The following CSMD1 variants were observed in gnomAD, a reference collection of about 807,000 sequenced individuals.
CSMD1 encodes CUB and sushi domain-containing protein 1.
In CSMD1, 213 loss-of-function variants were observed where a neutral mutation model predicts 417.5. That is an observed-to-expected ratio of 0.51 (90% confidence interval 0.46 to 0.57). The LOEUF (loss-of-function observed/expected upper bound fraction) is 0.57, where lower values mean the gene tolerates loss of function less well. Ranked by LOEUF, CSMD1 falls within the 20% of genes least tolerant of loss-of-function variation. CSMD1 has a pLI of 0.00. For synonymous variants in CSMD1, 2,862 were observed against 1,736.8 expected (o/e 1.65, Z -16.11); for missense variants, 6,923 against 4,529.7 (o/e 1.53, Z -15.17).
At chr8:3,897,204 T>C (rs575075026) in intron 5 of CSMD1, among the ~76,000 whole-genome samples, 3 of 152,278 alleles carry the variant, frequency 2.0e-5, no homozygotes, top group Admixed American at 6.5e-5. Flanking sequence ...CAAGAAGTTA[T>C]CAAAACAAAG....
At chr8:3,717,690 G>A (rs568477424) in intron 6 of CSMD1, among the ~76,000 whole-genome samples, 1 of 152,238 alleles carries the variant, frequency 6.6e-6, no homozygotes, top group East Asian at 1.9e-4. Flanking sequence ...GTTGATAGGT[G>A]AAGACACTTA....
intron 1 of CSMD1, among the ~76,000 whole-genome samples, chr8:4,925,696 G>T (rs375720413): frequency 2.0e-5 from 3 of 151,902 alleles, no homozygotes; most frequent in African/African-American, 7.3e-5. Context: ...ACAGGCGCCC[G>T]CCACCACGCA....
intron 5 of CSMD1, among the ~76,000 whole-genome samples, chr8:3,782,223 CTA>C (rs926855711): frequency 1.3e-5 from 2 of 152,124 alleles, no homozygotes; most frequent in African/African-American, 4.8e-5. Context: ...AGGACAGAAT[CTA>C]TGTCAGTCAC....
rs1283213695 is a variant in CSMD1, at chr8:3,323,177, A to C, written c.3632-14674T>G. 4.6e-5 allele frequency among the ~76,000 whole-genome samples: 7 copies of C among 152,282 alleles called. 1 individual carries two copies. The South Asian group carries it at 8.3e-4, about 18-fold the overall frequency. On this transcript the variant is annotated intron_variant, in intron 23 of 69. Coordinates refer to ENST00000635120, the MANE Select transcript of CSMD1 (RefSeq NM_033225.6). The stretch of plus-strand genomic sequence containing the variant: ...TATGATGTCCAATGGGCAACTTCTA[A>C]CTTCGTGGGCATCTATAATCTATGG...
At chr8:4,241,546 T>A (rs561375030) in intron 3 of CSMD1, among the ~76,000 whole-genome samples, 1 of 152,284 alleles carries the variant, frequency 6.6e-6, no homozygotes, top group South Asian at 2.1e-4. Context: ...CCACTCTATG[T>A]CCATGCTTAG....
At chr8:3,898,533 G>T (rs1407915085) in intron 5 of CSMD1, among the ~76,000 whole-genome samples, 1 of 152,152 alleles carries the variant, frequency 6.6e-6, no homozygotes, top group Non-Finnish European at 1.5e-5. Context: ...CATATCTTTG[G>T]GTTGTCACAA....
intron 5 of CSMD1, among the ~76,000 whole-genome samples, chr8:3,926,108 C>CCATACAT (rs11373813): frequency 1.3e-5 from 1 of 79,180 alleles, no homozygotes; most frequent in African/African-American, 6.2e-5. Flanking sequence ...CACACACACA[C>CCATACAT]ACACACACAC....
At chr8:3,735,163 T>C (rs11136658) in intron 6 of CSMD1, among the ~76,000 whole-genome samples, 2,414 of 152,320 alleles carry the variant, frequency 0.016, 61 homozygotes, top group African/African-American at 0.053. Flanking sequence ...CATTCCCAAG[T>C]CATATTTCCC....
intron 3 of CSMD1, among the ~76,000 whole-genome samples, chr8:4,381,880 G>A (rs1006163796): frequency 6.6e-6 from 1 of 151,850 alleles, no homozygotes; most frequent in African/African-American, 2.4e-5. Flanking sequence ...GGACCTTTTT[G>A]GTTCCCTGCT....
At chr8:4,733,297 A>G (rs1330070229) in intron 1 of CSMD1, among the ~76,000 whole-genome samples, 1 of 152,210 alleles carries the variant, frequency 6.6e-6, no homozygotes, top group Admixed American at 6.5e-5. Flanking sequence ...AATGACTAAA[A>G]ATGTTGCCCT....
At chr8:3,296,937 G>C (rs910889710) in intron 25 of CSMD1, among the ~76,000 whole-genome samples, 3 of 152,192 alleles carry the variant, frequency 2.0e-5, no homozygotes, top group Non-Finnish European at 4.4e-5. Context: ...AGAGAAGTCA[G>C]AGTGGAGAAA....
intron 26 of CSMD1, among the ~76,000 whole-genome samples, chr8:3,276,880 A>G (rs1308258696): frequency 2.6e-5 from 4 of 152,208 alleles, no homozygotes; most frequent in African/African-American, 9.6e-5. Flanking sequence ...AGGAAAACAA[A>G]GACCATCTGC....
At chr8:3,524,028 CACACAT>C (rs1295174914) in intron 10 of CSMD1, among the ~76,000 whole-genome samples, 14 of 146,600 alleles carry the variant, frequency 9.5e-5, no homozygotes, top group Admixed American at 2.8e-4. Context: ...TGCACACACA[CACACAT>C]GCACACCCAG....
chr8:3,623,092 T>C, intron 7 of CSMD1, among the ~76,000 whole-genome samples: 1 of 152,192 alleles, frequency 6.6e-6, no homozygotes, highest in Admixed American at 6.5e-5. Context: ...CCATTAATAT[T>C]AAAGAAAGAT....
intron 2 of CSMD1, among the ~76,000 whole-genome samples, chr8:4,420,486 T>A: frequency 6.6e-6 from 1 of 152,200 alleles, no homozygotes; most frequent in Non-Finnish European, 1.5e-5. Flanking sequence ...CACGTCGGTA[T>A]GAAGCCCAGC....
At chr8:4,701,191 T>C (rs1056118850) in intron 1 of CSMD1, among the ~76,000 whole-genome samples, 6 of 152,134 alleles carry the variant, frequency 3.9e-5, no homozygotes, top group African/African-American at 1.4e-4. Flanking sequence ...GTCCGCTGTG[T>C]GCCCCTAGTT....
chr8:4,146,832 G>A (rs1463870741), intron 3 of CSMD1, among the ~76,000 whole-genome samples: 1 of 149,348 alleles, frequency 6.7e-6, no homozygotes, highest in Non-Finnish European at 1.5e-5. Flanking sequence ...GGATAGTCTC[G>A]ATCTCCTGAC....
chr8:3,411,683 T>G (rs1004357200), intron 12 of CSMD1, among the ~76,000 whole-genome samples: 1 of 64,258 alleles, frequency 1.6e-5, no homozygotes, highest in East Asian at 3.4e-4. Flanking sequence ...TATATATACG[T>G]GTATATATAC....
At chr8:4,031,557 G>C (rs1043965511) in intron 4 of CSMD1, among the ~76,000 whole-genome samples, 4 of 152,162 alleles carry the variant, frequency 2.6e-5, no homozygotes, top group African/African-American at 9.7e-5. Flanking sequence ...TCAACATGAG[G>C]TTTGGGTGAG....
Sources: allele counts gnomAD v4.1 joint callset (sites outside exome capture counted in the v4.1 genomes callset), GRCh38; gene constraint gnomAD v4.1.1; transcripts MANE v1.5; gene names NCBI Gene and HGNC (gene_info 2026-07-23, HGNC 2026-07-21).